The following IL12RB1 variants were observed in gnomAD, a reference collection of about 807,000 sequenced individuals.
The protein encoded by IL12RB1 is interleukin-12 receptor subunit beta-1.
IL12RB1 carries 64 observed loss-of-function variants against 94.4 expected under a neutral mutation model. That is an observed-to-expected ratio of 0.68 (90% CI 0.55 to 0.83). IL12RB1 has a LOEUF of 0.83. Ranked by LOEUF, IL12RB1 falls within the 40% of genes least tolerant of loss-of-function variation. The pLI is 0.00. For missense variants in IL12RB1, 814 were observed against 855.6 expected, an observed-to-expected ratio of 0.95 and a Z score of 0.61; for synonymous variants, 362 against 355.5, an observed-to-expected ratio of 1.02 and a Z score of -0.21.
rs908751584 is a variant in IL12RB1 at position 18,066,480 on chromosome 19, G to A, written c.1483+62C>T. 4.9e-6 allele frequency: 6 copies of A among 1,212,268 alleles called. No individual in the cohort carries two copies. In the African/African-American group the frequency reaches 5.9e-5, roughly 12 times the overall value. The allele number at this position is 1,212,268 out of a possible 1,614,324, so 75.1% of individuals were successfully genotyped here. On this transcript the variant is annotated intron_variant, in intron 12 of 16. Transcript: ENST00000593993. ...CAAGGTGCCCAGGGTCACACAGCAA[G>A]AGAGATCACAGGCCAGGATCCTCCC...
chr19:18,072,729 T>C (rs8106427), intron 8 of IL12RB1, among the ~76,000 whole-genome samples: 2 of 151,938 alleles, frequency 1.3e-5, no homozygotes, highest in African/African-American at 2.4e-5. Flanking sequence ...GGGTAGATCA[T>C]GAGGTCAGGA....
At position 18,079,172 on chromosome 19, in the gene IL12RB1, C is replaced by T. The variant is rs954469496; in HGVS notation, c.410-1517G>A. ...AGGCTGGAGTGCAGTGGTGTGATCT[C>T]GGTTCACTGTAACCTCCATACCACA... On this transcript the variant is annotated intron_variant, in intron 4 of 16. Transcript: ENST00000593993. Among the ~76,000 whole-genome samples, 101 of 147,764 alleles carry T rather than the reference C, an allele frequency of 6.8e-4. 4 individuals carry two copies. The highest frequency in any genetic ancestry group is 2.1e-4 in the Non-Finnish European group (14 of 67,412).
intron 1 of IL12RB1, among the ~76,000 whole-genome samples, chr19:18,092,195 T>C (rs1450033541): frequency 2.0e-5 from 3 of 151,068 alleles, no homozygotes; most frequent in South Asian, 4.2e-4. Context: ...TTTTTTTTTT[T>C]TTTTTTCAGT....
At chr19:18,064,285 G>A (rs1426135572) in intron 12 of IL12RB1, among the ~76,000 whole-genome samples, 1 of 151,196 alleles carries the variant, frequency 6.6e-6, no homozygotes, top group East Asian at 1.9e-4. Flanking sequence ...GACTACAGGC[G>A]CCCGCCACCA....
chr19:18,085,331 A>C (rs2036254480), intron 1 of IL12RB1, among the ~76,000 whole-genome samples: 1 of 141,812 alleles, frequency 7.1e-6, no homozygotes, highest in Admixed American at 7.3e-5. Context: ...ATGACACAGA[A>C]CCCCCACCCA....
chr19:18,097,631 G>A (rs1032622605), intron 1 of IL12RB1, among the ~76,000 whole-genome samples: 1 of 152,106 alleles, frequency 6.6e-6, no homozygotes. Context: ...GGAGGGGCGG[G>A]GCCAGCTCGC....
rs429774 is a variant in IL12RB1 at position 18,075,942 on chromosome 19, T to C, written c.581-74A>G. 0.3 allele frequency: 438,726 copies of C among 1,448,160 alleles called. 68,585 individuals are homozygous for C. The highest frequency in any genetic ancestry group is 0.38 in the East Asian group (16,885 of 44,062). 89.7% of individuals were successfully genotyped at this position (1,448,160 alleles called of 1,614,324 possible). On this transcript the variant is annotated intron_variant, in intron 6 of 16. Transcript: ENST00000593993. ...TGGCACCAGTCACTTAACCATCATGTGCTTATTGAGCTCCAACTGTGTACA... is the reference window on the plus strand; with the variant it reads ...TGGCACCAGTCACTTAACCATCATGCGCTTATTGAGCTCCAACTGTGTACA...
intron 1 of IL12RB1, among the ~76,000 whole-genome samples, chr19:18,084,464 A>T (rs969427430): frequency 6.6e-6 from 1 of 150,548 alleles, no homozygotes; most frequent in Non-Finnish European, 1.5e-5. Context: ...CCATCCATGT[A>T]TTCATTAGTC....
At chr19:18,068,277 T>G (rs745398503) in intron 11 of IL12RB1, 112 bp downstream of exon 11, 1 of 785,406 alleles carries the variant, frequency 1.3e-6, no homozygotes, top group African/African-American at 1.8e-5. Flanking sequence ...CCACCCACCT[T>G]GGCCTCCCAA....
At chr19:18,079,748 T>A (rs932903396) in intron 4 of IL12RB1, among the ~76,000 whole-genome samples, 4 of 151,924 alleles carry the variant, frequency 2.6e-5, no homozygotes, top group Admixed American at 2.0e-4. Context: ...ATACAAAAAC[T>A]TAGCCGGGCG....
chr19:18,086,743 AGG>A lies in IL12RB1; in HGVS notation c.64+15_64+16del. 1 of 1,605,040 alleles carries A rather than the reference AGG, an allele frequency of 6.2e-7. No individual in the cohort carries two copies. The highest frequency in any genetic ancestry group is 8.5e-7 in the Non-Finnish European group (1 of 1,175,880). ...ACCCAGCAAGAGGAGCCGCCATGCC[AGG>A]GTCAGGGGACTCACCGCCCTGCCTG... is the stretch of plus-strand genomic sequence containing the variant. On this transcript the variant is annotated intron_variant, in intron 1 of 16. Coordinates refer to ENST00000593993, the MANE Select transcript of IL12RB1 (RefSeq NM_005535.3).
intron 1 of IL12RB1, among the ~76,000 whole-genome samples, chr19:18,084,010 C>CCCATCCATCCATCCAT (rs55727878): frequency 7.1e-6 from 1 of 139,890 alleles, no homozygotes; most frequent in Non-Finnish European, 1.5e-5. Flanking sequence ...CACCCATCTA[C>CCCATCCATCCATCCAT]CCATCCATCC....
intron 5 of IL12RB1, among the ~76,000 whole-genome samples, chr19:18,077,186 C>T (rs548529770): frequency 2.6e-5 from 4 of 152,184 alleles, no homozygotes; most frequent in East Asian, 1.9e-4. Context: ...GGCGAAACCC[C>T]GTCTCTACTA....
In IL12RB1 at chr19:18,085,745, A is replaced by G. The variant is rs1365447430; in HGVS notation, c.64+1015T>C. On this transcript the variant is annotated intron_variant, in intron 1 of 16. Transcript: ENST00000593993. Reference sequence around the variant, plus strand: ...CCACCTCAGCTCCTAAGTAGCTGGGAGTACAGGTGCCCATCATCAAGCCTG... The same window carrying G: ...CCACCTCAGCTCCTAAGTAGCTGGGGGTACAGGTGCCCATCATCAAGCCTG... Among the ~76,000 whole-genome samples, 4 of 152,090 alleles carry G rather than the reference A, an allele frequency of 2.6e-5. No homozygotes were observed. In the East Asian group the frequency reaches 7.8e-4, roughly 30 times the overall value.
intron 2 of IL12RB1, among the ~76,000 whole-genome samples, chr19:18,082,537 C>G (rs1026393622): frequency 2.0e-5 from 3 of 152,104 alleles, no homozygotes; most frequent in African/African-American, 7.2e-5. Context: ...CCCAGGGCCC[C>G]AACTTTCCTC....
chr19:18,077,657 T>TGGAA lies in IL12RB1; in HGVS notation c.410-6_410-3dup. The TGGAA allele has an allele frequency of 1.3e-6, 2 of 1,584,590 alleles. No homozygotes were observed. The highest frequency in any genetic ancestry group is 1.7e-6 in the Non-Finnish European group (2 of 1,153,148). The stretch of plus-strand genomic sequence containing the variant: ...CTCCCAGAGGAGGCTCATATTTAAC[T>TGGAA]GGAAGCAGAGGTAGGGATTGGCGAG... On this transcript the variant is annotated splice_region_variant and splice_polypyrimidine_tract_variant and intron_variant, in intron 4 of 16. Transcript: ENST00000593993.
chr19:18,074,841 G>A (rs1447568076), intron 7 of IL12RB1, among the ~76,000 whole-genome samples: 1 of 152,186 alleles, frequency 6.6e-6, no homozygotes, highest in East Asian at 1.9e-4. Context: ...CACGAGGTCA[G>A]GAGATTGAGA....
At chr19:18,082,383 G>T in intron 2 of IL12RB1, 119 bp from the exon 3 acceptor site, 1 of 704,364 alleles carries the variant, frequency 1.4e-6, no homozygotes, top group African/African-American at 1.8e-5. Context: ...CCCTCCCCGC[G>T]TCCTTCCTAC....
chr19:18,083,023 C>T, intron 2 of IL12RB1: 1 of 297,010 alleles, frequency 3.4e-6, no homozygotes, highest in Non-Finnish European at 6.6e-6. Flanking sequence ...GTGGAGGTGG[C>T]AGTGAGCTGT....
Sources: allele counts gnomAD v4.1 joint callset (sites outside exome capture counted in the v4.1 genomes callset), GRCh38; gene constraint gnomAD v4.1.1; transcripts MANE v1.5; gene names NCBI Gene and HGNC (gene_info 2026-07-23, HGNC 2026-07-21).